PLEKHM3: variants seen among roughly 807,000 people sequenced by gnomAD.
The protein encoded by PLEKHM3 is pleckstrin homology domain-containing family M member 3.
A neutral mutation model predicts 81.8 loss-of-function variants in PLEKHM3; 45 were observed. The ratio of observed to expected loss-of-function variants is 0.55; its 90% confidence interval spans 0.43 to 0.71. The LOEUF (loss-of-function observed/expected upper bound fraction) is 0.71. Among genes scored for constraint, PLEKHM3 ranks in the 30% least tolerant of loss-of-function variants. The pLI, the probability that PLEKHM3 is intolerant of heterozygous loss-of-function variation, is 0.00. For missense variants in PLEKHM3, 788 were observed against 924.3 expected (o/e 0.85, Z 1.91); for synonymous variants, 352 against 356.4 (o/e 0.99, Z 0.14).
intron 2 of PLEKHM3, among the ~76,000 whole-genome samples, chr2:207,986,298 C>T (rs780738105): frequency 2.0e-5 from 3 of 152,146 alleles, no homozygotes; most frequent in African/African-American, 2.4e-5. Flanking sequence ...ATGGAGTACT[C>T]GTAAGACTGC....
Position 207,828,445 on chromosome 2 carries a change from G to T in PLEKHM3, c.2160C>A (p.Val720=), listed in dbSNP as rs1418193646. The T allele has an allele frequency of 1.2e-6, 2 of 1,614,058 alleles. No homozygotes were observed. The highest frequency in any genetic ancestry group is 1.7e-6 in the Non-Finnish European group (2 of 1,180,012). Residue 720 remains valine (V), a synonymous_variant, in exon 8 of 8, where the codon GTC becomes GTA. Transcript: ENST00000427836. Reference sequence around the variant, plus strand: ...CTCGGCGAACACACCTCGGGCAGGGGACAGACTTTTCTTTGCATTCAGAAT... The same window carrying T: ...CTCGGCGAACACACCTCGGGCAGGGTACAGACTTTTCTTTGCATTCAGAAT... ...VFHSECKEKS[V]PCPRCVRREL... is the part of the protein sequence containing the mutation.
chr2:207,878,691 G>A (rs533258614), intron 6 of PLEKHM3, among the ~76,000 whole-genome samples: 44 of 152,316 alleles, frequency 2.9e-4, no homozygotes, highest in Non-Finnish European at 5.6e-4. Context: ...ATTCATAGGG[G>A]ATAAAACTGA....
chr2:207,869,346 T>C (rs2092520177), intron 6 of PLEKHM3, among the ~76,000 whole-genome samples: 1 of 152,124 alleles, frequency 6.6e-6, no homozygotes. Context: ...AACGTGTAGC[T>C]CTTCCCCCAT....
intron 5 of PLEKHM3, 124 bp from the exon 6 acceptor site, chr2:207,908,701 T>C (rs1688707140): frequency 2.7e-6 from 2 of 751,668 alleles, no homozygotes; most frequent in Non-Finnish European, 2.1e-6. Flanking sequence ...CCTATACTTC[T>C]CCTAAGCCCT....
chr2:207,858,829 C>T (rs186541723), intron 7 of PLEKHM3, among the ~76,000 whole-genome samples: 1 of 152,182 alleles, frequency 6.6e-6, no homozygotes, highest in Non-Finnish European at 1.5e-5. Flanking sequence ...AAACTCACCC[C>T]TTTAAAGTAT....
rs201893128 is a variant in PLEKHM3, at chr2:207,874,584, CA to C, written c.1951-13323del. Among the ~76,000 whole-genome samples the C allele has an allele frequency of 4.4e-3, 665 of 149,996 alleles. 3 individuals carry two copies. Among genetic ancestry groups the C allele is most frequent in the African/African-American group, 0.014 (588 of 41,052 alleles). ...AATGAAACTCCGTCTCAAAAACAAACAAAAAAACTGTATTTTCTTTTTTTTG... is the reference window on the plus strand; with the variant it reads ...AATGAAACTCCGTCTCAAAAACAAACAAAAAACTGTATTTTCTTTTTTTTG... On this transcript the variant is annotated intron_variant, in intron 6 of 7. Coordinates refer to ENST00000427836, the MANE Select transcript of PLEKHM3 (RefSeq NM_001080475.3).
At chr2:207,985,426 CAAAT>C (rs1287713448) in intron 2 of PLEKHM3, among the ~76,000 whole-genome samples, 1 of 151,848 alleles carries the variant, frequency 6.6e-6, no homozygotes, top group African/African-American at 2.4e-5. Context: ...TCATGCTCAT[CAAAT>C]ACTTATTAAA....
At chr2:208,024,388 G>A (rs1322036146) in intron 1 of PLEKHM3, among the ~76,000 whole-genome samples, 1 of 151,946 alleles carries the variant, frequency 6.6e-6, no homozygotes, top group Non-Finnish European at 1.5e-5. Context: ...AACTCATCAG[G>A]AATTAGTATC....
intron 7 of PLEKHM3, among the ~76,000 whole-genome samples, chr2:207,859,142 T>C (rs1008211970): frequency 2.2e-4 from 31 of 139,496 alleles, no homozygotes; most frequent in South Asian, 4.4e-4. Flanking sequence ...TTTTCTTTTT[T>C]TTTTTTTTTT....
At chr2:207,940,126 A>G (rs1189843494) in intron 4 of PLEKHM3, among the ~76,000 whole-genome samples, 1 of 152,176 alleles carries the variant, frequency 6.6e-6, no homozygotes, top group Non-Finnish European at 1.5e-5. Flanking sequence ...CTTGTCTACT[A>G]TGTGCCAGAA....
At chr2:207,939,522 G>A (rs1443221095) in intron 4 of PLEKHM3, among the ~76,000 whole-genome samples, 2 of 152,160 alleles carry the variant, frequency 1.3e-5, no homozygotes, top group South Asian at 2.1e-4. Context: ...AAGGCTAAGA[G>A]AATTGTATTT....
intron 5 of PLEKHM3, among the ~76,000 whole-genome samples, chr2:207,923,905 A>ATTTTAT (rs1689291875): frequency 3.5e-5 from 1 of 28,348 alleles, no homozygotes; most frequent in Non-Finnish European, 6.4e-5. Context: ...ATATATATAT[A>ATTTTAT]TTTTTTTTTT....
chr2:207,929,946 A>T, intron 5 of PLEKHM3: 1 of 695,872 alleles, frequency 1.4e-6, no homozygotes, highest in Non-Finnish European at 2.6e-6. Context: ...CATTTCTATT[A>T]AAACAAAAAA....
At chr2:207,884,731 T>A (rs555149203) in intron 6 of PLEKHM3, among the ~76,000 whole-genome samples, 1 of 152,342 alleles carries the variant, frequency 6.6e-6, no homozygotes, top group Admixed American at 6.5e-5. Flanking sequence ...ACTAAATATA[T>A]TGAATACTAT....
intron 7 of PLEKHM3, among the ~76,000 whole-genome samples, chr2:207,830,720 A>AC (rs1419547948): frequency 5.3e-5 from 1 of 18,970 alleles, no homozygotes; most frequent in African/African-American, 3.8e-4. Flanking sequence ...GTGTCCTTAG[A>AC]AGTGTCCTAA....
intron 1 of PLEKHM3, among the ~76,000 whole-genome samples, chr2:208,016,173 G>A (rs573870554): frequency 3.5e-4 from 53 of 152,192 alleles, no homozygotes; most frequent in African/African-American, 1.1e-3. Flanking sequence ...CAGCCTGGGC[G>A]ACAGAGAGAG....
chr2:207,903,701 A>G (rs1330324294), intron 6 of PLEKHM3, among the ~76,000 whole-genome samples: 1 of 152,208 alleles, frequency 6.6e-6, no homozygotes, highest in Non-Finnish European at 1.5e-5. Flanking sequence ...AGAACTCTTG[A>G]CCATTTATTT....
chr2:207,898,356 C>T (rs936842243), intron 6 of PLEKHM3, among the ~76,000 whole-genome samples: 3 of 152,218 alleles, frequency 2.0e-5, no homozygotes, highest in Admixed American at 6.5e-5. Context: ...TCTGCACAAC[C>T]TGTCTCCCCT....
At chr2:207,844,139 A>C (rs2092369741) in intron 7 of PLEKHM3, among the ~76,000 whole-genome samples, 1 of 151,914 alleles carries the variant, frequency 6.6e-6, no homozygotes, top group African/African-American at 2.4e-5. Flanking sequence ...AAGATACTTC[A>C]ACCTCCCAAC....
Sources: gnomAD v4.1 joint callset for allele counts (sites outside exome capture counted in the v4.1 genomes callset) on GRCh38, gnomAD v4.1.1 for gene constraint, MANE v1.5 for transcripts, NCBI Gene and HGNC (gene_info 2026-07-23, HGNC 2026-07-21) for gene names.